Variants in CDH9 observed in about 807,000 individuals in gnomAD.
CDH9 encodes cadherin-9.
Under a neutral mutation model 70.9 loss-of-function variants are expected in CDH9, and 28 were observed. That is an observed-to-expected ratio of 0.40 (90% CI 0.29 to 0.54). CDH9 has a LOEUF of 0.54. Ranked by LOEUF, CDH9 falls within the 20% of genes least tolerant of loss-of-function variation. The probability of loss-of-function intolerance (pLI) is 0.59; values close to 1 mark genes in which losing one functional copy is unlikely to be tolerated. For missense variants in CDH9, 874 were observed against 984.4 expected (o/e 0.89, Z 1.50); for synonymous variants, 409 against 343.1 (o/e 1.19, Z -2.12).
At chr5:26,984,331 G>T (rs1055566457) in intron 2 of CDH9, among the ~76,000 whole-genome samples, 1 of 152,124 alleles carries the variant, frequency 6.6e-6, no homozygotes, top group African/African-American at 2.4e-5. Context: ...GGTCAATTAA[G>T]TTGATATTCC....
chr5:26,916,894 G>T (rs1741158871), intron 2 of CDH9, among the ~76,000 whole-genome samples: 1 of 151,800 alleles, frequency 6.6e-6, no homozygotes, highest in East Asian at 1.9e-4. Flanking sequence ...AAAACTCACA[G>T]CCTGTCCTCT....
intron 2 of CDH9, among the ~76,000 whole-genome samples, chr5:26,972,712 C>T (rs1742240759): frequency 6.6e-6 from 1 of 152,116 alleles, no homozygotes; most frequent in Non-Finnish European, 1.5e-5. Flanking sequence ...CAATTTCTAC[C>T]AGGCTTTAAC....
chr5:26,979,704 A>G (rs1742366939), intron 2 of CDH9, among the ~76,000 whole-genome samples: 1 of 151,896 alleles, frequency 6.6e-6, no homozygotes, highest in Non-Finnish European at 1.5e-5. Context: ...ATGATAAAAG[A>G]TAAACCACAC....
At chr5:26,948,860 A>G (rs1409062476) in intron 2 of CDH9, among the ~76,000 whole-genome samples, 1 of 152,198 alleles carries the variant, frequency 6.6e-6, no homozygotes, top group Non-Finnish European at 1.5e-5. Flanking sequence ...GAATGAGAGG[A>G]CAGACGGTGC....
chr5:26,926,622 A>G (rs1741344796), intron 2 of CDH9, among the ~76,000 whole-genome samples: 1 of 152,128 alleles, frequency 6.6e-6, no homozygotes, highest in African/African-American at 2.4e-5. Context: ...ACCAAAAAAG[A>G]GCCCACATAG....
intron 7 of CDH9, among the ~76,000 whole-genome samples, chr5:26,897,075 T>C (rs1740765092): frequency 6.6e-6 from 1 of 151,810 alleles, no homozygotes; most frequent in Non-Finnish European, 1.5e-5. Flanking sequence ...CTAGAAGAAA[T>C]TCATAAATTC....
In CDH9 at chr5:27,001,829, TAC is replaced by T. The variant is rs1318692075; in HGVS notation, c.-49-13449_-49-13448del. Among the ~76,000 whole-genome samples the T allele has an allele frequency of 1.6e-3, 207 of 132,950 alleles. 1 individual carries two copies. The highest frequency in any genetic ancestry group is 4.0e-3 in the Middle Eastern group (1 of 250). 87.2% of individuals were successfully genotyped at this position (132,950 alleles called of 152,430 possible). On this transcript the variant is annotated intron_variant, in intron 1 of 11. Coordinates refer to ENST00000231021, the MANE Select transcript of CDH9 (RefSeq NM_016279.4). ...TCAGAAATTAAAGCAGTGCTTAACA[TAC>T]ACACACACACACACTCTCTCTCTCT...
rs145799615 is a variant in CDH9, at chr5:26,946,771, A to G, written c.229-30847T>C. Among the ~76,000 whole-genome samples the G allele has an allele frequency of 5.3e-5, 8 of 152,274 alleles. No homozygotes were observed. In the East Asian group the frequency reaches 1.4e-3, roughly 26 times the overall value. ...GGCTACTTGGGAAGATGTCCTATTT[A>G]CTCACAAAGTAATAAAAGAACAAGA... is the stretch of plus-strand genomic sequence containing the variant. On this transcript the variant is annotated intron_variant, in intron 2 of 11. Coordinates refer to ENST00000231021, the MANE Select transcript of CDH9 (RefSeq NM_016279.4).
intron 2 of CDH9, among the ~76,000 whole-genome samples, chr5:26,978,760 T>C (rs1460634232): frequency 1.3e-5 from 2 of 151,666 alleles, no homozygotes; most frequent in East Asian, 1.9e-4. Flanking sequence ...AAAACAAACA[T>C]ATTACATATA....
intron 1 of CDH9, among the ~76,000 whole-genome samples, chr5:27,005,146 ATGG>A: frequency 6.6e-6 from 1 of 152,260 alleles, no homozygotes; most frequent in East Asian, 1.9e-4. Flanking sequence ...AGTATTATTA[ATGG>A]TGAGAGCAAA....
chr5:26,963,692 C>A (rs919805933), intron 2 of CDH9, among the ~76,000 whole-genome samples: 9 of 151,892 alleles, frequency 5.9e-5, no homozygotes, highest in Admixed American at 5.9e-4. Flanking sequence ...ATATAATCTG[C>A]GAACATTAGT....
chr5:26,952,194 C>G (rs1489016476), intron 2 of CDH9, among the ~76,000 whole-genome samples: 1 of 149,462 alleles, frequency 6.7e-6, no homozygotes, highest in African/African-American at 2.4e-5. Flanking sequence ...GAATTACTAA[C>G]CTCAAGTGAT....
chr5:27,034,965 AT>A (rs1470477578), intron 1 of CDH9, among the ~76,000 whole-genome samples: 3 of 151,396 alleles, frequency 2.0e-5, no homozygotes, highest in Non-Finnish European at 3.0e-5. Flanking sequence ...GAGAAAAAAA[AT>A]TTTTTTAGAT....
chr5:26,981,844 C>A (rs1561027769), intron 2 of CDH9, among the ~76,000 whole-genome samples: 1 of 151,478 alleles, frequency 6.6e-6, no homozygotes, highest in Non-Finnish European at 1.5e-5. Flanking sequence ...TTACCCTTGT[C>A]TTAGTGAAAT....
chr5:26,905,331 A>G (rs188240256), intron 5 of CDH9, among the ~76,000 whole-genome samples: 3 of 152,100 alleles, frequency 2.0e-5, no homozygotes, highest in African/African-American at 7.2e-5. Flanking sequence ...TGTAATCTTC[A>G]TAACTTAGTA....
At chr5:26,887,933 G>A (rs1274903148) in intron 9 of CDH9, among the ~76,000 whole-genome samples, 1 of 152,110 alleles carries the variant, frequency 6.6e-6, no homozygotes, top group African/African-American at 2.4e-5. Context: ...TTTAGAGAGA[G>A]CATAGATAGC....
At chr5:27,018,328 G>T (rs1333587319) in intron 1 of CDH9, among the ~76,000 whole-genome samples, 1 of 151,080 alleles carries the variant, frequency 6.6e-6, no homozygotes, top group East Asian at 1.9e-4. Context: ...ACACATACAT[G>T]TAAAATTAAA....
chr5:26,980,404 T>C (rs755247876), intron 2 of CDH9, among the ~76,000 whole-genome samples: 2 of 151,934 alleles, frequency 1.3e-5, no homozygotes, highest in Non-Finnish European at 2.9e-5. Flanking sequence ...CTGAGTAAAT[T>C]TTACTAAGTG....
chr5:26,971,624 A>G (rs1338516156), intron 2 of CDH9, among the ~76,000 whole-genome samples: 1 of 152,176 alleles, frequency 6.6e-6, no homozygotes, highest in East Asian at 1.9e-4. Context: ...ATCTCTTTAC[A>G]GTGAAATCTG....
Sources: allele counts gnomAD v4.1 joint callset (sites outside exome capture counted in the v4.1 genomes callset), GRCh38; gene constraint gnomAD v4.1.1; transcripts MANE v1.5; gene names NCBI Gene and HGNC (gene_info 2026-07-23, HGNC 2026-07-21).